The following SCML4 variants were observed in gnomAD, a reference collection of about 807,000 sequenced individuals.
The protein encoded by SCML4 is sex comb on midleg-like protein 4.
SCML4 carries 34 observed loss-of-function variants against 41.1 expected under a neutral mutation model. That is an observed-to-expected ratio of 0.83 (90% CI 0.63 to 1.10). SCML4 has a LOEUF of 1.10. Ranked by LOEUF, SCML4 falls within the 50% of genes least tolerant of loss-of-function variation. The probability of loss-of-function intolerance (pLI) is 0.00; values close to 1 mark genes in which losing one functional copy is unlikely to be tolerated. For synonymous variants in SCML4, 214 were observed against 220.9 expected (o/e 0.97, Z 0.28); for missense variants, 522 against 534.1 (o/e 0.98, Z 0.22).
chr6:107,739,816 A>G (rs1471407022), intron 5 of SCML4, among the ~76,000 whole-genome samples: 1 of 152,236 alleles, frequency 6.6e-6, no homozygotes, highest in African/African-American at 2.4e-5. Flanking sequence ...CTTACTCTAA[A>G]GGCAAACTCC....
rs1778117100 is a variant in SCML4, at chr6:107,746,622, G to GGAGC, written c.487+66_487+67insGCTC. The GGAGC allele has an allele frequency of 5.6e-6, 8 of 1,432,430 alleles. No individual in the cohort carries two copies. The Admixed American group carries it at 1.4e-4, about 25-fold the overall frequency. The allele number at this position is 1,432,430 out of a possible 1,614,324, so 88.7% of individuals were successfully genotyped here. ...GGCCACACCTGCTGTCTCCAGGCCT[G>GGAGC]AGTATGGCTGCTTCCTCTGCAGAGA... On this transcript the variant is annotated intron_variant, in intron 4 of 7. Coordinates refer to ENST00000369020, the MANE Select transcript of SCML4 (RefSeq NM_198081.5).
chr6:107,841,975 T>C, the SCML4 span, among the ~76,000 whole-genome samples: 3 of 152,300 alleles, frequency 2.0e-5, no homozygotes, highest in African/African-American at 7.2e-5. Flanking sequence ...TTGGGTTTAA[T>C]TGCTTTTCTT....
intron 1 of SCML4, among the ~76,000 whole-genome samples, chr6:107,788,087 T>C (rs1782036891): frequency 6.6e-6 from 1 of 152,208 alleles, no homozygotes. Flanking sequence ...CAAGGAAAGA[T>C]GCATTTAGAG....
the SCML4 span, among the ~76,000 whole-genome samples, chr6:107,831,997 A>G: frequency 6.6e-6 from 1 of 151,084 alleles, no homozygotes; most frequent in Non-Finnish European, 1.5e-5. Context: ...CGGGAGGTGG[A>G]GCTTGCAGTG....
At chr6:107,794,979 T>C (rs1051847322) in intron 1 of SCML4, among the ~76,000 whole-genome samples, 2 of 152,216 alleles carry the variant, frequency 1.3e-5, no homozygotes, top group African/African-American at 4.8e-5. Context: ...CTTCTTATAA[T>C]GACACTAGTC....
chr6:107,793,784 C>A (rs1339408156), intron 1 of SCML4, among the ~76,000 whole-genome samples: 1 of 151,938 alleles, frequency 6.6e-6, no homozygotes, highest in Admixed American at 6.6e-5. Context: ...CCATCTGTAC[C>A]AAAAATACAA....
At chr6:107,806,977 C>CT (rs1562278440) in intron 1 of SCML4, among the ~76,000 whole-genome samples, 1 of 152,016 alleles carries the variant, frequency 6.6e-6, no homozygotes, top group Non-Finnish European at 1.5e-5. Context: ...CATGAAATAG[C>CT]TGGCAGCACC....
At chr6:107,782,449 A>G (rs2114597284) in intron 1 of SCML4, among the ~76,000 whole-genome samples, 1 of 152,316 alleles carries the variant, frequency 6.6e-6, no homozygotes, top group South Asian at 2.1e-4. Flanking sequence ...TCAGATGTCC[A>G]TCCCTTCTTT....
At chr6:107,831,938 C>T in the SCML4 span, among the ~76,000 whole-genome samples, 6 of 152,124 alleles carry the variant, frequency 3.9e-5, no homozygotes, top group East Asian at 1.2e-3. Context: ...TGGCGCATGC[C>T]TGTAGTCCTA....
chr6:107,841,668 G>T, the SCML4 span, among the ~76,000 whole-genome samples: 1 of 152,150 alleles, frequency 6.6e-6, no homozygotes, highest in Non-Finnish European at 1.5e-5. Flanking sequence ...CTTAGAACAG[G>T]ACCTGGTGTA....
At chr6:107,722,818 C>A in intron 5 of SCML4, among the ~76,000 whole-genome samples, 1 of 151,998 alleles carries the variant, frequency 6.6e-6, no homozygotes. Context: ...AAATTTACAG[C>A]TGTAAATACT....
chr6:107,764,603 G>A (rs997571473), intron 2 of SCML4, among the ~76,000 whole-genome samples: 2 of 152,220 alleles, frequency 1.3e-5, no homozygotes, highest in African/African-American at 4.8e-5. Flanking sequence ...CCTCCTCACC[G>A]AAGGAACCCA....
chr6:107,761,553 C>T (rs11965007), intron 2 of SCML4, among the ~76,000 whole-genome samples: 5,159 of 151,940 alleles, frequency 0.034, 142 homozygotes, highest in Non-Finnish European at 0.052. Flanking sequence ...TCTCCTGCCT[C>T]AGCCTCCCAA....
chr6:107,738,287 C>T (rs1777265587), intron 5 of SCML4, among the ~76,000 whole-genome samples: 1 of 152,224 alleles, frequency 6.6e-6, no homozygotes, highest in Non-Finnish European at 1.5e-5. Context: ...AGAACTCTAA[C>T]TTCCAGGCTG....
intron 6 of SCML4, among the ~76,000 whole-genome samples, chr6:107,714,100 T>C (rs1257490961): frequency 6.6e-6 from 1 of 152,102 alleles, no homozygotes; most frequent in Non-Finnish European, 1.5e-5. Flanking sequence ...TGCCATGTGG[T>C]GAGAGAGATG....
the SCML4 span, among the ~76,000 whole-genome samples, chr6:107,844,265 C>T: frequency 8.1e-4 from 123 of 152,264 alleles, no homozygotes; most frequent in Middle Eastern, 3.4e-3. Context: ...GGGAGAGTGC[C>T]AAGGACGGAA....
At chr6:107,730,615 G>A (rs966318817) in intron 5 of SCML4, among the ~76,000 whole-genome samples, 31 of 152,294 alleles carry the variant, frequency 2.0e-4, no homozygotes, top group East Asian at 1.3e-3. Flanking sequence ...GCACAGTCAC[G>A]AGAGCATGCT....
chr6:107,720,099 G>T (rs1775218799), intron 6 of SCML4: 1 of 985,258 alleles, frequency 1.0e-6, no homozygotes, highest in Non-Finnish European at 1.2e-6. Context: ...TCCTGAAGGT[G>T]ACACTTCCTA....
chr6:107,793,012 A>G (rs900467117), intron 1 of SCML4, among the ~76,000 whole-genome samples: 13 of 152,192 alleles, frequency 8.5e-5, no homozygotes, highest in African/African-American at 2.9e-4. Context: ...AGGAGGAAGG[A>G]GAAAGGCATA....
Sources: allele counts gnomAD v4.1 joint callset (sites outside exome capture counted in the v4.1 genomes callset), GRCh38; gene constraint gnomAD v4.1.1; transcripts MANE v1.5; gene names NCBI Gene and HGNC (gene_info 2026-07-23, HGNC 2026-07-21).